The following TMEM51 variants were observed in gnomAD, a reference collection of about 807,000 sequenced individuals.
The protein encoded by TMEM51 is chromosome 1 open reading frame 72.
In TMEM51, 8 loss-of-function variants were observed where a neutral mutation model predicts 13.6. The ratio of observed to expected loss-of-function variants is 0.59; its 90% CI spans 0.35 to 1.07. The LOEUF is 1.07. Ranked by LOEUF, TMEM51 falls within the 50% of genes least tolerant of loss-of-function variation. The pLI, the probability that TMEM51 is intolerant of heterozygous loss-of-function variation, is 0.02. For missense variants in TMEM51, 279 were observed against 330.7 expected, an observed-to-expected ratio of 0.84 and a Z score of 1.21; for synonymous variants, 147 against 144.4, an observed-to-expected ratio of 1.02 and a Z score of -0.13.
intron 1 of TMEM51, chr1:15,171,198 T>C (rs1368338889): frequency 3.8e-6 from 5 of 1,302,660 alleles, no homozygotes; most frequent in Non-Finnish European, 5.1e-6. Context: ...TGGGTGACGC[T>C]GATGCTGTTG....
In TMEM51 at chr1:15,219,816, G is replaced by A; in HGVS notation, c.*73G>A. Reference sequence around the variant, plus strand: ...CCCCAAGACTCTAACAAAGCCACATGAGCCACAGTTGAGAAGCGGAGGGGC... The same window carrying A: ...CCCCAAGACTCTAACAAAGCCACATAAGCCACAGTTGAGAAGCGGAGGGGC... On this transcript the variant is annotated 3_prime_UTR_variant, in exon 4 of 4. Coordinates refer to ENST00000376008, the MANE Select transcript of TMEM51 (RefSeq NM_001136218.2). The A allele has an allele frequency of 1.3e-6, 2 of 1,526,230 alleles. No homozygotes were observed. The highest frequency in any genetic ancestry group is 1.8e-6 in the Non-Finnish European group (2 of 1,130,632). 94.5% of individuals were successfully genotyped at this position (1,526,230 alleles called of 1,614,324 possible).
At chr1:15,204,763 T>C (rs1030762096) in intron 1 of TMEM51, among the ~76,000 whole-genome samples, 8 of 151,752 alleles carry the variant, frequency 5.3e-5, no homozygotes, top group African/African-American at 1.9e-4. Context: ...GACTGTTGGG[T>C]GGGATAAATG....
At chr1:15,210,122 G>A (rs138492119) in intron 1 of TMEM51, among the ~76,000 whole-genome samples, 1 of 152,290 alleles carries the variant, frequency 6.6e-6, no homozygotes, top group East Asian at 1.9e-4. Context: ...TGGTGGGTCA[G>A]ACTGGCCTGT....
intron 1 of TMEM51, among the ~76,000 whole-genome samples, chr1:15,191,322 G>C (rs1443093582): frequency 6.6e-6 from 1 of 152,236 alleles, no homozygotes; most frequent in Non-Finnish European, 1.5e-5. Context: ...CCTCCAGAAC[G>C]ACAAGAGAAT....
At chr1:15,174,393 G>A (rs1344514104) in intron 1 of TMEM51, among the ~76,000 whole-genome samples, 1 of 152,108 alleles carries the variant, frequency 6.6e-6, no homozygotes, top group Non-Finnish European at 1.5e-5. Flanking sequence ...TGGACACGCT[G>A]CCACCACACA....
At chr1:15,208,564 G>A (rs1173194968) in intron 1 of TMEM51, among the ~76,000 whole-genome samples, 3 of 152,124 alleles carry the variant, frequency 2.0e-5, no homozygotes, top group South Asian at 2.1e-4. Flanking sequence ...CCAGGAGTTC[G>A]AGGCTGCAGT....
In TMEM51 at chr1:15,215,112, G is replaced by C. The variant is rs774760983; in HGVS notation, c.25G>C (p.Gly9Arg). ...CATGATGGCCCAGTCCAAGGCCAAT[G>C]GCTCGCACTATGCGCTGACCGCCAT... MMAQSKAN[G>R]SHYALTAIGL... is the part of the protein sequence containing the mutation. The change falls in exon 3 of 4, where the codon GGC becomes CGC. Residue 9 changes from glycine (G) to arginine (R), a missense_variant. Transcript: ENST00000376008. The C allele has an allele frequency of 1.2e-6, 2 of 1,613,438 alleles. No individual in the cohort carries two copies. Among genetic ancestry groups the C allele is most frequent in the Non-Finnish European group, 1.7e-6 (2 of 1,179,660 alleles).
chr1:15,215,294 G>A lies in TMEM51; in HGVS notation c.207G>A (p.Leu69=). ...AGACCTTCTCTGTGGCCTACGTGCT[G>A]GTCGGGGCCGGGGTGATGCTGCTGC... The part of the protein sequence containing the change: ...KSKTFSVAYV[L]VGAGVMLLLL... Residue 69 remains leucine, a synonymous_variant, in exon 3 of 4, where the codon CTG becomes CTA. Coordinates refer to ENST00000376008, the MANE Select transcript of TMEM51 (RefSeq NM_001136218.2). The A allele has an allele frequency of 3.7e-6, 6 of 1,614,208 alleles. No homozygotes were observed. The highest frequency in any genetic ancestry group is 5.1e-6 in the Non-Finnish European group (6 of 1,180,040).
chr1:15,163,820 CT>C (rs200227686), intron 1 of TMEM51, among the ~76,000 whole-genome samples: 5 of 108,242 alleles, frequency 4.6e-5, no homozygotes, highest in African/African-American at 1.7e-4. Flanking sequence ...CTAATGTTGG[CT>C]TTTTTTGGGG....
At position 15,182,326 on chromosome 1, in the gene TMEM51, C is replaced by T. The variant is rs929809323; in HGVS notation, c.-266-28164C>T. The stretch of plus-strand genomic sequence containing the variant: ...AATGTGTCACTCTTCCTCTGTGAGC[C>T]TCAGTCTCCTCATCTGTAAAATGGA... On this transcript the variant is annotated intron_variant, in intron 1 of 3. Coordinates refer to ENST00000376008, the MANE Select transcript of TMEM51 (RefSeq NM_001136218.2). Among the ~76,000 whole-genome samples the T allele has an allele frequency of 3.9e-5, 6 of 152,292 alleles. No homozygotes were observed. The South Asian group carries it at 1.2e-3, about 32-fold the overall frequency.
rs1003983296 is a variant in TMEM51 at position 15,219,443 on chromosome 1, G to C, written c.462G>C (p.Leu154Phe). The C allele has an allele frequency of 6.2e-7, 1 of 1,613,976 alleles. No individual in the cohort carries two copies. Among genetic ancestry groups the C allele is most frequent in the African/African-American group, 1.3e-5 (1 of 74,910 alleles). Reference protein sequence around the residue: ...EARGEEQNPRLSISLPSYESL... With the variant: ...EARGEEQNPRFSISLPSYESL... ...GGGGAGAGGAGCAGAACCCGAGGTT[G>C]AGCATCTCTCTCCCGTCCTATGAGT... The change falls in exon 4 of 4, where the codon TTG (leucine) becomes TTC (phenylalanine). Residue 154 changes from leucine (L) to phenylalanine (F), a missense_variant. Physicochemically the swap from Leu to Phe is conservative, Grantham distance 22. Coordinates refer to ENST00000376008, the MANE Select transcript of TMEM51 (RefSeq NM_001136218.2).
At chr1:15,171,165 G>A in intron 1 of TMEM51, 1 of 1,302,508 alleles carries the variant, frequency 7.7e-7, no homozygotes, top group Non-Finnish European at 1.0e-6. Flanking sequence ...GGGGCCCCAG[G>A]ATTTGCATTT....
intron 1 of TMEM51, chr1:15,168,360 G>T: frequency 9.7e-7 from 1 of 1,032,580 alleles, no homozygotes; most frequent in Non-Finnish European, 1.3e-6. Context: ...GAAAGAAGGG[G>T]AATGGGGAAG....
At chr1:15,189,213 C>CTTTTTTTTT (rs59346950) in intron 1 of TMEM51, among the ~76,000 whole-genome samples, 16 of 92,846 alleles carry the variant, frequency 1.7e-4, no homozygotes, top group South Asian at 4.2e-4. Flanking sequence ...CTAATTTTTC[C>CTTTTTTTTT]TTTTTTTTTT....
intron 2 of TMEM51, among the ~76,000 whole-genome samples, chr1:15,213,661 G>A (rs1003414714): frequency 6.6e-6 from 1 of 152,174 alleles, no homozygotes; most frequent in Non-Finnish European, 1.5e-5. Flanking sequence ...TTTAGCGCAG[G>A]GTCTCTGGGC....
At chr1:15,185,891 T>A (rs1643757675) in intron 1 of TMEM51, among the ~76,000 whole-genome samples, 1 of 152,214 alleles carries the variant, frequency 6.6e-6, no homozygotes, top group South Asian at 2.1e-4. Context: ...ATCCATGCTG[T>A]CATCCTTTTA....
In TMEM51 at chr1:15,207,241, C is replaced by T. The variant is rs1644266055; in HGVS notation, c.-266-3249C>T. Among the ~76,000 whole-genome samples, 1 of 152,196 alleles carries T rather than the reference C, an allele frequency of 6.6e-6. No homozygotes were observed. Among genetic ancestry groups the T allele is most frequent in the African/African-American group, 2.4e-5 (1 of 41,448 alleles). On this transcript the variant is annotated intron_variant, in intron 1 of 3. Transcript: ENST00000376008. The surrounding 1 kb of genome is among the most constrained non-coding windows in gnomAD (Gnocchi z 4.6). ...GCCAGCCGCCTCCGACTGGCAAGAC[C>T]TCCTCCCACTAAAGCCAGCTGGGCT...
chr1:15,198,533 T>A (rs1306409058), intron 1 of TMEM51, among the ~76,000 whole-genome samples: 1 of 152,116 alleles, frequency 6.6e-6, no homozygotes, highest in Non-Finnish European at 1.5e-5. Flanking sequence ...TCTCGGTGCC[T>A]CAGCCTCCCG....
chr1:15,192,173 C>A, intron 1 of TMEM51: 1 of 395,880 alleles, frequency 2.5e-6, no homozygotes, highest in South Asian at 2.2e-5. Context: ...TTTAGTCTGC[C>A]GGCTGCAAAG....
Sources: gnomAD v4.1 joint callset for allele counts (sites outside exome capture counted in the v4.1 genomes callset) on GRCh38, gnomAD v4.1.1 for gene constraint, Gnocchi (gnomAD v3.1) non-coding constraint, MANE v1.5 for transcripts, NCBI Gene and HGNC (gene_info 2026-07-23, HGNC 2026-07-21) for gene names.